Variants in MAP2K5 observed in about 807,000 individuals in gnomAD.
The protein encoded by MAP2K5 is mitogen-activated protein kinase kinase 5, also known as dual specificity mitogen-activated protein kinase kinase 5.
In MAP2K5, 49 loss-of-function variants were observed where a neutral mutation model predicts 83.1. The ratio of observed to expected loss-of-function variants is 0.59; its 90% CI spans 0.47 to 0.75. The LOEUF (loss-of-function observed/expected upper bound fraction) is 0.75. Ranked by LOEUF, MAP2K5 falls within the 30% of genes least tolerant of loss-of-function variation. The pLI, the probability that MAP2K5 is intolerant of heterozygous loss-of-function variation, is 0.00. For synonymous variants in MAP2K5, 202 were observed against 191.8 expected, an observed-to-expected ratio of 1.05 and a Z score of -0.44; for missense variants, 457 against 557.5, an observed-to-expected ratio of 0.82 and a Z score of 1.82.
rs530161707 is a variant in MAP2K5 at position 67,765,335 on chromosome 15, G to C, written c.1135-4267G>C. 1.4e-4 allele frequency among the ~76,000 whole-genome samples: 22 copies of C among 152,050 alleles called. No homozygotes were observed. In the South Asian group the frequency reaches 4.6e-3, roughly 32 times the overall value. ...GATCGTGCCACTGCACTCCAGCCTG[G>C]TGACAGAGCGAGACTCCATCTAATA... On this transcript the variant is annotated intron_variant, in intron 19 of 21. Transcript: ENST00000178640.
intron 17 of MAP2K5, among the ~76,000 whole-genome samples, chr15:67,737,875 A>G: frequency 8.7e-6 from 1 of 114,644 alleles, no homozygotes; most frequent in Non-Finnish European, 1.7e-5. Flanking sequence ...TTTTTGAGAC[A>G]GAGTGTCACT....
At chr15:67,725,575 C>T (rs1269327357) in intron 16 of MAP2K5, among the ~76,000 whole-genome samples, 1 of 152,126 alleles carries the variant, frequency 6.6e-6, no homozygotes, top group Non-Finnish European at 1.5e-5. Context: ...GAGCATATAC[C>T]CAAGTGAATG....
intron 21 of MAP2K5, among the ~76,000 whole-genome samples, chr15:67,804,531 C>T (rs771372554): frequency 1.1e-4 from 17 of 152,246 alleles, no homozygotes; most frequent in African/African-American, 2.2e-4. Context: ...CCTCGCCTAC[C>T]GGGGCACTTG....
In MAP2K5 at chr15:67,769,700, A is replaced by C. The variant is rs375328431; in HGVS notation, c.1196+37A>C. ...TACAAACATGCCATGCCCTCAATGTAAATGATACATGCCATTAACTCGGCA... is the reference window on the plus strand; with the variant it reads ...TACAAACATGCCATGCCCTCAATGTCAATGATACATGCCATTAACTCGGCA... On this transcript the variant is annotated intron_variant, in intron 20 of 21. Transcript: ENST00000178640. The surrounding 1 kb of genome is among the most constrained non-coding windows in gnomAD (Gnocchi z 5.2). The C allele has an allele frequency of 6.9e-6, 11 of 1,602,758 alleles. No homozygotes were observed. The African/African-American group carries it at 1.5e-4, about 21-fold the overall frequency.
chr15:67,697,487 T>C (rs1477493015), intron 15 of MAP2K5, among the ~76,000 whole-genome samples: 4 of 152,226 alleles, frequency 2.6e-5, no homozygotes, highest in African/African-American at 9.6e-5. Flanking sequence ...TCTTAATTGC[T>C]GTGCCTCTCA....
chr15:67,671,834 C>T (rs1193984235), intron 13 of MAP2K5, among the ~76,000 whole-genome samples: 3 of 127,830 alleles, frequency 2.3e-5, no homozygotes, highest in Non-Finnish European at 4.8e-5. Context: ...CACAACAGTC[C>T]CCAGAGTGTG....
At chr15:67,686,184 C>T (rs2087948306) in intron 13 of MAP2K5, among the ~76,000 whole-genome samples, 2 of 152,160 alleles carry the variant, frequency 1.3e-5, no homozygotes, top group Admixed American at 1.3e-4. Flanking sequence ...TCTAAACAGT[C>T]CAATTAAAAG....
rs1596561495 is a variant in MAP2K5, at chr15:67,562,696, T to C, written c.185-587T>C. 6.6e-6 allele frequency among the ~76,000 whole-genome samples: 1 copy of C among 152,222 alleles called. No homozygotes were observed. Among genetic ancestry groups the C allele is most frequent in the East Asian group, 1.9e-4 (1 of 5,200 alleles). On this transcript the variant is annotated intron_variant, in intron 2 of 21. Coordinates refer to ENST00000178640, the MANE Select transcript of MAP2K5 (RefSeq NM_145160.3). The surrounding 1 kb of genome is among the most constrained non-coding windows in gnomAD (Gnocchi z 4.1). ...ACCTGTATTAGAGCTGCTTTACAAG[T>C]TAACCTTGCACTAGGCCTAGGTTCT...
rs560399801 is a variant in MAP2K5 at position 67,783,128 on chromosome 15, G to A, written c.1242+10376G>A. ...CAGATGTGCATTTCAGTCTGCACTC[G>A]CCATTTTTATGTCTTAGCATCTGCT... On this transcript the variant is annotated intron_variant, in intron 21 of 21. Coordinates refer to ENST00000178640, the MANE Select transcript of MAP2K5 (RefSeq NM_145160.3). The surrounding 1 kb of genome is among the most constrained non-coding windows in gnomAD (Gnocchi z 5.1). 6.6e-6 allele frequency among the ~76,000 whole-genome samples: 1 copy of A among 152,334 alleles called. No individual in the cohort carries two copies. Among genetic ancestry groups the A allele is most frequent in the Admixed American group, 6.5e-5 (1 of 15,304 alleles).
chr15:67,630,821 A>G, intron 8 of MAP2K5, 67 bp from the exon 9 acceptor site: 1 of 1,135,914 alleles, frequency 8.8e-7, no homozygotes, highest in South Asian at 1.3e-5. Flanking sequence ...ATTTACATTT[A>G]TGTCCTTAAC....
At chr15:67,695,169 T>G in intron 15 of MAP2K5, among the ~76,000 whole-genome samples, 2 of 150,624 alleles carry the variant, frequency 1.3e-5, no homozygotes, top group African/African-American at 4.9e-5. Context: ...AGATGACGAG[T>G]TAGTGGGTGC....
intron 11 of MAP2K5, among the ~76,000 whole-genome samples, chr15:67,648,403 A>T (rs2086876692): frequency 4.6e-5 from 7 of 152,146 alleles, no homozygotes; most frequent in Admixed American, 3.9e-4. Context: ...CATATATGAG[A>T]ACTTCATTCC....
intron 17 of MAP2K5, among the ~76,000 whole-genome samples, chr15:67,732,166 G>A (rs2089237101): frequency 2.0e-5 from 3 of 152,176 alleles, no homozygotes; most frequent in African/African-American, 4.8e-5. Flanking sequence ...AAGATGTGAA[G>A]GTCTAGACAA....
chr15:67,798,654 A>G (rs911887862), intron 21 of MAP2K5, among the ~76,000 whole-genome samples: 3 of 152,194 alleles, frequency 2.0e-5, no homozygotes, highest in Non-Finnish European at 4.4e-5. Flanking sequence ...TGACCCCCTT[A>G]GGTGCCTGCG....
At chr15:67,585,206 C>A (rs2085264376) in intron 4 of MAP2K5, among the ~76,000 whole-genome samples, 1 of 151,832 alleles carries the variant, frequency 6.6e-6, no homozygotes, top group Admixed American at 6.6e-5. Context: ...GGGCAGGAGG[C>A]TTTTGTATTT....
chr15:67,676,329 A>G lies in MAP2K5; in HGVS notation c.847+11684A>G, dbSNP rs971906029. ...ATTTGTTGGATGAATACATTGAATC[A>G]TAATTTTCTGAGGGCAGTGTTTTTC... On this transcript the variant is annotated intron_variant, in intron 13 of 21. Transcript: ENST00000178640. The surrounding 1 kb of genome is among the most constrained non-coding windows in gnomAD (Gnocchi z 4.8). Among the ~76,000 whole-genome samples the G allele has an allele frequency of 6.6e-6, 1 of 152,214 alleles. No individual in the cohort carries two copies. Among genetic ancestry groups the G allele is most frequent in the African/African-American group, 2.4e-5 (1 of 41,452 alleles).
At position 67,794,853 on chromosome 15, in the gene MAP2K5, G is replaced by A. The variant is rs1175635185; in HGVS notation, c.1243-11793G>A. On this transcript the variant is annotated intron_variant, in intron 21 of 21. Coordinates refer to ENST00000178640, the MANE Select transcript of MAP2K5 (RefSeq NM_145160.3). This position sits in a 1 kb window ranked among gnomAD's most constrained non-coding sequence, Gnocchi z 4.6. ...GAAAAACTGTTACTAAGATTTTAAAGGGGTAGCAGCCTTTACTTAATTGGC... is the reference window on the plus strand; with the variant it reads ...GAAAAACTGTTACTAAGATTTTAAAAGGGTAGCAGCCTTTACTTAATTGGC... Among the ~76,000 whole-genome samples the A allele has an allele frequency of 1.3e-5, 2 of 152,210 alleles. No individual in the cohort carries two copies. Among genetic ancestry groups the A allele is most frequent in the African/African-American group, 2.4e-5 (1 of 41,460 alleles).
In MAP2K5 at chr15:67,580,734, T is replaced by C; in HGVS notation, c.253-20T>C. 6.7e-7 allele frequency: 1 copy of C among 1,490,104 alleles called. No homozygotes were observed. Among genetic ancestry groups the C allele is most frequent in the South Asian group, 1.1e-5 (1 of 88,494 alleles). The allele number at this position is 1,490,104 out of a possible 1,614,324, so 92.3% of individuals were successfully genotyped here. A position where few individuals can be genotyped will look rare whatever the true frequency, so the allele number is the denominator to read the frequency against. On this transcript the variant is annotated intron_variant, in intron 3 of 21. Coordinates refer to ENST00000178640, the MANE Select transcript of MAP2K5 (RefSeq NM_145160.3). ...TATTCATACATTACTGAGTGATCTCTTTCTATAATCTCTTTGCAGTATTAT... is the reference window on the plus strand; with the variant it reads ...TATTCATACATTACTGAGTGATCTCCTTCTATAATCTCTTTGCAGTATTAT...
rs2086153637 is a variant in MAP2K5, at chr15:67,620,322, G to C, written c.546-10566G>C. Among the ~76,000 whole-genome samples the C allele has an allele frequency of 2.6e-5, 4 of 152,160 alleles. No homozygotes were observed. The South Asian group carries it at 8.3e-4, about 31-fold the overall frequency. On this transcript the variant is annotated intron_variant, in intron 8 of 21. Coordinates refer to ENST00000178640, the MANE Select transcript of MAP2K5 (RefSeq NM_145160.3). ...GGAGGCAGAGGTTTCATTGAGCCGA[G>C]ACTGCACCACTGCACTCTAGCCTGG...
Sources: gnomAD v4.1 joint callset for allele counts (sites outside exome capture counted in the v4.1 genomes callset) on GRCh38, gnomAD v4.1.1 for gene constraint, Gnocchi (gnomAD v3.1) non-coding constraint, MANE v1.5 for transcripts, NCBI Gene and HGNC (gene_info 2026-07-23, HGNC 2026-07-21) for gene names.